Variants in ASCC3 observed in about 807,000 individuals in gnomAD.
ASCC3 encodes activating signal cointegrator 1 complex subunit 3, also known as ASC-1 complex subunit P200.
A neutral mutation model predicts 256.3 loss-of-function variants in ASCC3; 158 were observed. The ratio of observed to expected loss-of-function variants is 0.62; its 90% CI spans 0.54 to 0.70. ASCC3 has a LOEUF of 0.70. Among genes scored for constraint, ASCC3 ranks in the 30% least tolerant of loss-of-function variants. The pLI is 0.00. For synonymous variants in ASCC3, 948 were observed against 883.4 expected, an observed-to-expected ratio of 1.07 and a Z score of -1.30; for missense variants, 2,259 against 2,626.0, an observed-to-expected ratio of 0.86 and a Z score of 3.05.
chr6:100,534,436 C>A (rs993082654), intron 37 of ASCC3, among the ~76,000 whole-genome samples: 2 of 152,162 alleles, frequency 1.3e-5, no homozygotes, highest in African/African-American at 4.8e-5. Flanking sequence ...TAACATGAAG[C>A]TTTTCTTTGG....
At chr6:100,784,580 T>C (rs961295371) in intron 8 of ASCC3, among the ~76,000 whole-genome samples, 1 of 152,030 alleles carries the variant, frequency 6.6e-6, no homozygotes, top group Non-Finnish European at 1.5e-5. Flanking sequence ...CATATTTGCT[T>C]ATAGAAAAAT....
chr6:100,767,338 T>C lies in ASCC3; in HGVS notation c.1403A>G (p.Gln468Arg). The change falls in exon 9 of 42, where the codon CAG (glutamine) becomes CGG (arginine). Residue 468 changes from glutamine to arginine, a missense_variant. Coordinates refer to ENST00000369162, the MANE Select transcript of ASCC3 (RefSeq NM_006828.4). ...TCTCTTCATTCCTTTAAAAGCCAGC[T>C]GTCCGATCTAAAAAAAAAAGGCATC... ...VYIQDLDEIG[Q>R]LAFKGMKRLN... 6.7e-7 allele frequency: 1 copy of C among 1,499,358 alleles called. No individual in the cohort carries two copies. The highest frequency in any genetic ancestry group is 8.9e-7 in the Non-Finnish European group (1 of 1,128,538). 92.9% of individuals were successfully genotyped at this position (1,499,358 alleles called of 1,614,324 possible). A position where few individuals can be genotyped will look rare whatever the true frequency, so the allele number is the denominator to read the frequency against.
chr6:100,781,976 T>C (rs1358652740), intron 8 of ASCC3, among the ~76,000 whole-genome samples: 1 of 152,038 alleles, frequency 6.6e-6, no homozygotes, highest in Non-Finnish European at 1.5e-5. Flanking sequence ...TACCAACATA[T>C]GCTATTATTT....
chr6:100,538,786 C>T (rs1775292888), intron 37 of ASCC3, among the ~76,000 whole-genome samples: 1 of 151,728 alleles, frequency 6.6e-6, no homozygotes, highest in Non-Finnish European at 1.5e-5. Flanking sequence ...AATGTATATT[C>T]TTGTACATAT....
chr6:100,858,803 T>G (rs961509088), intron 3 of ASCC3: 14 of 686,342 alleles, frequency 2.0e-5, no homozygotes, highest in Admixed American at 4.4e-5. Context: ...AGATCTAATA[T>G]TACCTAATGA....
At chr6:100,707,428 A>C (rs1778656672) in intron 13 of ASCC3, among the ~76,000 whole-genome samples, 1 of 152,110 alleles carries the variant, frequency 6.6e-6, no homozygotes, top group Admixed American at 6.6e-5. Context: ...ATAAAATGGA[A>C]GGACAAATAC....
intron 4 of ASCC3, among the ~76,000 whole-genome samples, chr6:100,808,056 T>C (rs1419981283): frequency 6.6e-6 from 1 of 151,934 alleles, no homozygotes; most frequent in African/African-American, 2.4e-5. Context: ...AATGCTAAAA[T>C]GCAAGGTTTC....
chr6:100,558,369 A>T (rs1769732495), intron 36 of ASCC3, among the ~76,000 whole-genome samples: 1 of 152,134 alleles, frequency 6.6e-6, no homozygotes, highest in African/African-American at 2.4e-5. Context: ...ATTCTTATGA[A>T]TATTCTAATT....
At chr6:100,868,305 T>A (rs1337115884) in intron 1 of ASCC3, among the ~76,000 whole-genome samples, 2 of 152,210 alleles carry the variant, frequency 1.3e-5, no homozygotes, top group Non-Finnish European at 2.9e-5. Flanking sequence ...CATCAAATAC[T>A]ATATTACTAC....
intron 13 of ASCC3, among the ~76,000 whole-genome samples, chr6:100,681,782 A>C (rs557190339): frequency 6.6e-6 from 1 of 151,824 alleles, no homozygotes; most frequent in African/African-American, 2.4e-5. Flanking sequence ...CACTAATAGA[A>C]TTTATTTCAG....
intron 36 of ASCC3, among the ~76,000 whole-genome samples, chr6:100,563,204 A>G (rs192508810): frequency 2.0e-5 from 3 of 152,228 alleles, no homozygotes; most frequent in Admixed American, 1.3e-4. Context: ...CATATATTCT[A>G]TATTTTTATG....
At chr6:100,579,702 C>T (rs1181657514) in intron 36 of ASCC3, among the ~76,000 whole-genome samples, 1 of 152,092 alleles carries the variant, frequency 6.6e-6, no homozygotes, top group Non-Finnish European at 1.5e-5. Context: ...TGTTTTTCTG[C>T]TAGCACCATG....
At chr6:100,636,749 G>A (rs919764840) in intron 25 of ASCC3, among the ~76,000 whole-genome samples, 6 of 152,128 alleles carry the variant, frequency 3.9e-5, no homozygotes, top group African/African-American at 7.2e-5. Flanking sequence ...TTTTATTCCC[G>A]ATACGGAGAA....
At chr6:100,843,526 A>C (rs922474164) in intron 4 of ASCC3, among the ~76,000 whole-genome samples, 1 of 152,194 alleles carries the variant, frequency 6.6e-6, no homozygotes, top group Non-Finnish European at 1.5e-5. Context: ...CATCAGCATT[A>C]ATAGCTTTGC....
At chr6:100,600,393 C>A (rs886568580) in intron 34 of ASCC3, among the ~76,000 whole-genome samples, 3 of 152,074 alleles carry the variant, frequency 2.0e-5, no homozygotes, top group Non-Finnish European at 4.4e-5. Flanking sequence ...GAAGTCTATT[C>A]CATGATTCTA....
chr6:100,525,632 G>C (rs1423183621), intron 37 of ASCC3, among the ~76,000 whole-genome samples: 1 of 152,034 alleles, frequency 6.6e-6, no homozygotes, highest in Non-Finnish European at 1.5e-5. Context: ...AGGTGAAAAA[G>C]AATTGTGAAT....
intron 36 of ASCC3, among the ~76,000 whole-genome samples, chr6:100,572,999 T>A: frequency 6.6e-6 from 1 of 152,174 alleles, no homozygotes; most frequent in East Asian, 1.9e-4. Flanking sequence ...AGGCTGTCTG[T>A]CCCTCAGCAT....
rs571672424 is a variant in ASCC3 at position 100,844,815 on chromosome 6, T to A, written c.801+3333A>T. Among the ~76,000 whole-genome samples the A allele has an allele frequency of 2.0e-5, 3 of 152,170 alleles. No individual in the cohort carries two copies. In the South Asian group the frequency reaches 6.2e-4, roughly 32 times the overall value. Reference sequence around the variant, plus strand: ...GCTAAGAAGTGGGTTGTTTTATTAGTACAACACGCAGGAGGACACAGATGT... The same window carrying A: ...GCTAAGAAGTGGGTTGTTTTATTAGAACAACACGCAGGAGGACACAGATGT... On this transcript the variant is annotated intron_variant, in intron 4 of 41. Coordinates refer to ENST00000369162, the MANE Select transcript of ASCC3 (RefSeq NM_006828.4).
chr6:100,799,396 T>C (rs1172030753), intron 7 of ASCC3, 35 bp downstream of exon 7: 1 of 1,605,228 alleles, frequency 6.2e-7, no homozygotes, highest in Non-Finnish European at 8.5e-7. Flanking sequence ...AGAATAGACA[T>C]ATTATTGAAC....
Sources: gnomAD v4.1 joint callset for allele counts (sites outside exome capture counted in the v4.1 genomes callset) on GRCh38, gnomAD v4.1.1 for gene constraint, MANE v1.5 for transcripts, NCBI Gene and HGNC (gene_info 2026-07-23, HGNC 2026-07-21) for gene names.